DAB1: variants seen among roughly 807,000 people sequenced by gnomAD.
DAB1 encodes the protein DAB adaptor protein 1, also known as disabled homolog 1.
A neutral mutation model predicts 64.6 loss-of-function variants in DAB1; 15 were observed. That is an observed-to-expected ratio of 0.23 (90% CI 0.16 to 0.36). The LOEUF (loss-of-function observed/expected upper bound fraction) is 0.36. DAB1 is among the 10% of genes least tolerant of loss of function. The pLI is 1.00. For synonymous variants in DAB1, 235 were observed against 251.9 expected, an observed-to-expected ratio of 0.93 and a Z score of 0.64; for missense variants, 596 against 706.7, an observed-to-expected ratio of 0.84 and a Z score of 1.78.
intron 5 of DAB1, among the ~76,000 whole-genome samples, chr1:58,063,900 C>T (rs1426404217): frequency 1.3e-5 from 2 of 152,154 alleles, no homozygotes; most frequent in African/African-American, 2.4e-5. Flanking sequence ...TAACTGATTC[C>T]CAGTGAGAAA....
chr1:57,326,133 T>G (rs986051795), intron 1 of DAB1, among the ~76,000 whole-genome samples: 2 of 152,200 alleles, frequency 1.3e-5, no homozygotes, highest in Non-Finnish European at 2.9e-5. Context: ...ATGAAATATT[T>G]GGGGATACTT....
chr1:57,252,626 A>T (rs1669438003), intron 2 of DAB1, among the ~76,000 whole-genome samples: 1 of 152,252 alleles, frequency 6.6e-6, no homozygotes, highest in South Asian at 2.1e-4. Context: ...GAAATAGACC[A>T]ACAATGAAAA....
intron 5 of DAB1, among the ~76,000 whole-genome samples, chr1:58,102,840 T>C (rs1414420768): frequency 6.6e-6 from 1 of 152,162 alleles, no homozygotes; most frequent in Non-Finnish European, 1.5e-5. Flanking sequence ...GGGACAACAT[T>C]ATGCAGAGTA....
intron 5 of DAB1, among the ~76,000 whole-genome samples, chr1:57,994,511 G>T (rs1276770587): frequency 1.3e-5 from 2 of 152,200 alleles, no homozygotes; most frequent in African/African-American, 4.8e-5. Context: ...GATGCACAGA[G>T]CACTTCTGGG....
chr1:57,540,977 A>G (rs2691445), intron 7 of DAB1, among the ~76,000 whole-genome samples: 141,638 of 152,196 alleles, frequency 0.93, 66,749 homozygotes, highest in East Asian at 1. Flanking sequence ...GAGAGGATTC[A>G]GAATGTTCCA....
intron 4 of DAB1, among the ~76,000 whole-genome samples, chr1:58,156,855 G>C (rs867334223): frequency 4.6e-5 from 7 of 152,264 alleles, no homozygotes; most frequent in Middle Eastern, 3.4e-3. Flanking sequence ...GAACAACAAG[G>C]GGTTGCAAGC....
intron 6 of DAB1, among the ~76,000 whole-genome samples, chr1:57,674,055 T>C (rs886247120): frequency 6.6e-6 from 1 of 152,150 alleles, no homozygotes; most frequent in African/African-American, 2.4e-5. Context: ...TGAGAAAATG[T>C]TTATTGAGTA....
chr1:57,437,236 A>G (rs903798562), intron 7 of DAB1, among the ~76,000 whole-genome samples: 1 of 152,010 alleles, frequency 6.6e-6, no homozygotes, highest in South Asian at 2.1e-4. Context: ...GTGAAACCAG[A>G]GTCAAATTTC....
At chr1:57,495,809 T>C (rs1644223269) in intron 7 of DAB1, among the ~76,000 whole-genome samples, 1 of 152,212 alleles carries the variant, frequency 6.6e-6, no homozygotes, top group Non-Finnish European at 1.5e-5. Flanking sequence ...TCTTCCTGGT[T>C]TATGCACAGC....
intron 9 of DAB1, among the ~76,000 whole-genome samples, chr1:57,047,035 C>T (rs1648584401): frequency 6.6e-6 from 1 of 152,126 alleles, no homozygotes; most frequent in African/African-American, 2.4e-5. Flanking sequence ...AATAGCAAAC[C>T]CTTTTTCACT....
intron 4 of DAB1, among the ~76,000 whole-genome samples, chr1:57,132,884 T>G (rs1244028890): frequency 6.6e-6 from 1 of 152,150 alleles, no homozygotes; most frequent in Non-Finnish European, 1.5e-5. Flanking sequence ...GAATCTGCTC[T>G]AATATAGATA....
At chr1:57,740,046 CAAAAAAA>C (rs34382329) in intron 6 of DAB1, among the ~76,000 whole-genome samples, 2 of 103,116 alleles carry the variant, frequency 1.9e-5, no homozygotes, top group African/African-American at 7.5e-5. Flanking sequence ...ACTACTACTA[CAAAAAAA>C]AAAAAAAAAA....
At position 58,469,654 on chromosome 1, in the gene DAB1, C is replaced by T. The variant is rs561742401; in HGVS notation, n.257+36406G>A. 6.6e-5 allele frequency among the ~76,000 whole-genome samples: 10 copies of T among 152,270 alleles called. No homozygotes were observed. The South Asian group carries it at 2.1e-3, about 32-fold the overall frequency. On this transcript the variant is annotated intron_variant and non_coding_transcript_variant, in intron 3 of 20. Coordinates refer to the DAB1 transcript ENST00000485760. ...AATCTCACTCTAGGGCTAAATCAGTCCCAAGCGCTTACAAGGCACTTGATA... is the reference window on the plus strand; with the variant it reads ...AATCTCACTCTAGGGCTAAATCAGTTCCAAGCGCTTACAAGGCACTTGATA...
At chr1:58,051,231 A>G (rs548249323) in intron 5 of DAB1, among the ~76,000 whole-genome samples, 1 of 150,188 alleles carries the variant, frequency 6.7e-6, no homozygotes, top group African/African-American at 2.5e-5. Context: ...CCAGTATATG[A>G]TGTTCCCTGC....
chr1:57,568,585 A>G (rs962882441), intron 7 of DAB1, among the ~76,000 whole-genome samples: 15 of 152,222 alleles, frequency 9.9e-5, no homozygotes, highest in African/African-American at 3.6e-4. Context: ...TACAAGAAAA[A>G]AACAAACAAC....
intron 7 of DAB1, among the ~76,000 whole-genome samples, chr1:57,611,625 C>G (rs1256278967): frequency 1.3e-5 from 2 of 152,130 alleles, no homozygotes; most frequent in Non-Finnish European, 2.9e-5. Flanking sequence ...AGCTAGTACA[C>G]TGGCAAGCCA....
chr1:58,357,592 T>C (rs1644123594), intron 3 of DAB1, among the ~76,000 whole-genome samples: 1 of 152,192 alleles, frequency 6.6e-6, no homozygotes, highest in South Asian at 2.1e-4. Flanking sequence ...CGAGTTTAGA[T>C]GGCACTTGAA....
intron 2 of DAB1, among the ~76,000 whole-genome samples, chr1:57,269,712 T>C (rs1031937639): frequency 1.3e-5 from 2 of 152,110 alleles, no homozygotes; most frequent in African/African-American, 4.8e-5. Context: ...TGCTTAACTC[T>C]TTTTCTCCCG....
At chr1:58,359,301 T>C (rs1407866604) in intron 3 of DAB1, among the ~76,000 whole-genome samples, 1 of 152,172 alleles carries the variant, frequency 6.6e-6, no homozygotes, top group East Asian at 1.9e-4. Flanking sequence ...AAAATTACTT[T>C]GTAAATCAAT....
Sources: allele counts gnomAD v4.1 joint callset (sites outside exome capture counted in the v4.1 genomes callset), GRCh38; gene constraint gnomAD v4.1.1; transcripts MANE v1.5; gene names NCBI Gene and HGNC (gene_info 2026-07-23, HGNC 2026-07-21).